Variants in ERBB4 observed in about 807,000 individuals in gnomAD.
ERBB4 encodes the protein receptor tyrosine-protein kinase erbB-4.
ERBB4 carries 42 observed loss-of-function variants against 158.0 expected under a neutral mutation model. The ratio of observed to expected loss-of-function variants is 0.27; its 90% CI spans 0.21 to 0.34. ERBB4 has a LOEUF of 0.34. Among genes scored for constraint, ERBB4 ranks in the 10% least tolerant of loss-of-function variants. The pLI, the probability that ERBB4 is intolerant of heterozygous loss-of-function variation, is 1.00. For synonymous variants in ERBB4, 583 were observed against 558.7 expected, an observed-to-expected ratio of 1.04 and a Z score of -0.61; for missense variants, 1,333 against 1,624.1, an observed-to-expected ratio of 0.82 and a Z score of 3.08.
intron 20 of ERBB4, among the ~76,000 whole-genome samples, chr2:211,483,265 T>TA (rs2065128566): frequency 1.3e-5 from 2 of 151,672 alleles, no homozygotes; most frequent in Admixed American, 6.6e-5. Flanking sequence ...TGAGAGGGAT[T>TA]AAAAAAAAGC....
At chr2:211,726,450 A>G (rs996200948) in intron 5 of ERBB4, among the ~76,000 whole-genome samples, 1 of 152,066 alleles carries the variant, frequency 6.6e-6, no homozygotes, top group Non-Finnish European at 1.5e-5. Context: ...CACACCCACT[A>G]CTGAGTGTAT....
At chr2:212,501,793 G>A (rs1689145849) in intron 1 of ERBB4, among the ~76,000 whole-genome samples, 1 of 152,042 alleles carries the variant, frequency 6.6e-6, no homozygotes. Context: ...AAGATGTTAT[G>A]TTTCAATACA....
intron 17 of ERBB4, among the ~76,000 whole-genome samples, chr2:211,626,930 A>C (rs1348382125): frequency 8.1e-6 from 1 of 124,034 alleles, no homozygotes; most frequent in Non-Finnish European, 1.7e-5. Context: ...ATCTCAAAAA[A>C]TAAAAATAAA....
intron 1 of ERBB4, among the ~76,000 whole-genome samples, chr2:212,530,441 G>C (rs565466314): frequency 6.6e-6 from 1 of 152,104 alleles, no homozygotes; most frequent in Non-Finnish European, 1.5e-5. Flanking sequence ...TACAGAGAAG[G>C]ACAGGAAATA....
chr2:212,151,718 G>A (rs1213987269), intron 1 of ERBB4, among the ~76,000 whole-genome samples: 1 of 151,848 alleles, frequency 6.6e-6, no homozygotes, highest in Non-Finnish European at 1.5e-5. Flanking sequence ...GAGAAACCCT[G>A]TCTCTACTAA....
intron 2 of ERBB4, among the ~76,000 whole-genome samples, chr2:212,066,887 CAA>C: frequency 6.6e-6 from 1 of 151,930 alleles, no homozygotes; most frequent in East Asian, 1.9e-4. Context: ...AATGAATTTT[CAA>C]AAGTCTAATA....
At chr2:211,733,787 A>G (rs2074510039) in intron 5 of ERBB4, among the ~76,000 whole-genome samples, 1 of 151,570 alleles carries the variant, frequency 6.6e-6, no homozygotes, top group African/African-American at 2.4e-5. Flanking sequence ...TGCAATAAAA[A>G]TACCCACAGA....
intron 25 of ERBB4, among the ~76,000 whole-genome samples, chr2:211,400,146 C>G (rs2063003275): frequency 6.6e-6 from 1 of 152,062 alleles, no homozygotes; most frequent in Non-Finnish European, 1.5e-5. Flanking sequence ...CATCCAACAG[C>G]CCCGCTGCCT....
intron 2 of ERBB4, among the ~76,000 whole-genome samples, chr2:211,988,587 T>A (rs1378737129): frequency 6.6e-6 from 1 of 152,070 alleles, no homozygotes; most frequent in Non-Finnish European, 1.5e-5. Context: ...TGATTCAAGT[T>A]TCTAAATTAT....
intron 19 of ERBB4, among the ~76,000 whole-genome samples, chr2:211,584,492 A>T (rs2068204260): frequency 6.6e-6 from 1 of 152,068 alleles, no homozygotes; most frequent in Non-Finnish European, 1.5e-5. Context: ...GTAATGGAGC[A>T]ACTTTATTTG....
In ERBB4 at chr2:211,701,968, A is replaced by G; in HGVS notation, c.1488T>C (p.Cys496=). 1.9e-6 allele frequency: 3 copies of G among 1,610,260 alleles called. No individual in the cohort carries two copies. Among genetic ancestry groups the G allele is most frequent in the East Asian group, 4.5e-5 (2 of 44,852 alleles). The change falls in exon 12 of 28, where the codon TGT becomes TGC. Residue 496 remains cysteine, a splice_region_variant and synonymous_variant. Transcript: ENST00000342788. ...VIRDNRKAEN[C]TAEGMVCNHL... is the part of the protein sequence containing the mutation. ...TAAATGTCTGAGTAATGTACTTACT[A>G]CAATTTTCAGCTTTTCTGTTGTCCC... is the stretch of plus-strand genomic sequence containing the variant.
In ERBB4 at chr2:212,351,650, G is replaced by A. The variant is rs80332045; in HGVS notation, c.82+186799C>T. Among the ~76,000 whole-genome samples, 876 of 152,214 alleles carry A rather than the reference G, an allele frequency of 5.8e-3. 17 individuals are homozygous for A. The highest frequency in any genetic ancestry group is 0.049 in the East Asian group (255 of 5,170). On this transcript the variant is annotated intron_variant, in intron 1 of 27. Transcript: ENST00000342788. ...TAAATAAAATAAAAAAATCAGTTCT[G>A]TCATCATGCTAACCACGTTTCAAGT...
At chr2:211,982,773 T>C (rs2081839715) in intron 2 of ERBB4, among the ~76,000 whole-genome samples, 1 of 152,200 alleles carries the variant, frequency 6.6e-6, no homozygotes, top group African/African-American at 2.4e-5. Flanking sequence ...GTGCAAATGA[T>C]TCCTATTTAT....
At chr2:212,374,021 C>CATATAT (rs71054202) in intron 1 of ERBB4, among the ~76,000 whole-genome samples, 1 of 77,552 alleles carries the variant, frequency 1.3e-5, no homozygotes, top group African/African-American at 3.8e-5. Flanking sequence ...CATATATATC[C>CATATAT]ATATATATAT....
chr2:211,644,467 G>A (rs531070975), intron 16 of ERBB4, among the ~76,000 whole-genome samples: 6 of 151,190 alleles, frequency 4.0e-5, no homozygotes, highest in African/African-American at 9.7e-5. Context: ...AAAAAAAATC[G>A]AACCTAAGCA....
chr2:212,102,090 T>TATATATATATATATA lies in ERBB4; in HGVS notation c.234+22661_234+22662insTATATATATATATAT, dbSNP rs1553558603. Among the ~76,000 whole-genome samples, 577 of 107,900 alleles carry TATATATATATATATA rather than the reference T, an allele frequency of 5.3e-3. 12 individuals carry two copies. Among genetic ancestry groups the TATATATATATATATA allele is most frequent in the African/African-American group, 0.011 (378 of 34,096 alleles). The allele number at this position is 107,900 out of a possible 152,430, so 70.8% of individuals were successfully genotyped here. A position where few individuals can be genotyped will look rare whatever the true frequency, so the allele number is the denominator to read the frequency against. On this transcript the variant is annotated intron_variant, in intron 2 of 27. Transcript: ENST00000342788. ...AAATCATATACGTTGAAAATTTATT[T>TATATATATATATATA]TATATATATATATATATATATATGT...
At chr2:212,527,009 A>G (rs947172964) in intron 1 of ERBB4, among the ~76,000 whole-genome samples, 1 of 152,062 alleles carries the variant, frequency 6.6e-6, no homozygotes, top group African/African-American at 2.4e-5. Context: ...TATCCACTCT[A>G]AATAACAAAT....
intron 1 of ERBB4, among the ~76,000 whole-genome samples, chr2:212,495,708 T>A (rs972822978): frequency 1.3e-5 from 2 of 152,160 alleles, no homozygotes; most frequent in Non-Finnish European, 2.9e-5. Context: ...AAAGATCAGC[T>A]CCAGAATACA....
rs117887227 is a variant in ERBB4, at chr2:212,172,872, A to G, written c.83-47969T>C. Among the ~76,000 whole-genome samples, 41 of 152,246 alleles carry G rather than the reference A, an allele frequency of 2.7e-4. No individual in the cohort carries two copies. The East Asian group carries it at 7.7e-3, about 29-fold the overall frequency. On this transcript the variant is annotated intron_variant, in intron 1 of 27. Coordinates refer to ENST00000342788, the MANE Select transcript of ERBB4 (RefSeq NM_005235.3). ...TGGGTGATGCGATGATTTGTGCAGT[A>G]AACCATTATGGCACACGTTTACCCA...
Sources: gnomAD v4.1 joint callset for allele counts (sites outside exome capture counted in the v4.1 genomes callset) on GRCh38, gnomAD v4.1.1 for gene constraint, MANE v1.5 for transcripts, NCBI Gene and HGNC (gene_info 2026-07-23, HGNC 2026-07-21) for gene names.